The following PTPRT variants were observed in gnomAD, a reference collection of about 807,000 sequenced individuals.
PTPRT encodes the protein protein tyrosine phosphatase receptor type T, also known as receptor-type tyrosine-protein phosphatase T.
Under a neutral mutation model 176.8 loss-of-function variants are expected in PTPRT, and 56 were observed. That is an observed-to-expected ratio of 0.32 (90% confidence interval 0.26 to 0.40). PTPRT has a LOEUF of 0.40. Ranked by LOEUF, PTPRT falls within the 10% of genes least tolerant of loss-of-function variation. PTPRT has a pLI of 1.00. For missense variants in PTPRT, 1,540 were observed against 1,908.2 expected, an observed-to-expected ratio of 0.81 and a Z score of 3.60; for synonymous variants, 783 against 739.0, an observed-to-expected ratio of 1.06 and a Z score of -0.96.
chr20:42,095,842 A>G (rs1453017365), intron 27 of PTPRT, among the ~76,000 whole-genome samples: 1 of 152,196 alleles, frequency 6.6e-6, no homozygotes, highest in Non-Finnish European at 1.5e-5. Context: ...CCCAACAAAT[A>G]TGGGTTGCCT....
At chr20:43,128,917 A>G (rs1459180515) in intron 1 of PTPRT, among the ~76,000 whole-genome samples, 1 of 152,196 alleles carries the variant, frequency 6.6e-6, no homozygotes, top group African/African-American at 2.4e-5. Context: ...TCACAATTTT[A>G]AAGTTATATT....
At chr20:42,406,426 T>G (rs1447904427) in intron 9 of PTPRT, among the ~76,000 whole-genome samples, 1 of 151,996 alleles carries the variant, frequency 6.6e-6, no homozygotes, top group East Asian at 1.9e-4. Flanking sequence ...ATTTCGAGAG[T>G]GATAATTTTT....
At chr20:43,097,877 C>A (rs1160321318) in intron 1 of PTPRT, among the ~76,000 whole-genome samples, 2 of 152,150 alleles carry the variant, frequency 1.3e-5, no homozygotes, top group Admixed American at 1.3e-4. Context: ...GCTCTGACAA[C>A]CCCAAAACTT....
the PTPRT span, among the ~76,000 whole-genome samples, chr20:42,036,999 C>A: frequency 6.6e-6 from 1 of 152,274 alleles, no homozygotes; most frequent in East Asian, 1.9e-4. Context: ...GATAGCATGC[C>A]AGAGCTGAAG....
intron 8 of PTPRT, 103 bp downstream of exon 8, chr20:42,472,163 A>T (rs757571915): frequency 2.3e-6 from 3 of 1,304,434 alleles, no homozygotes; most frequent in Non-Finnish European, 3.2e-6. Context: ...TGTGTGAGGG[A>T]ATTAAAAATG....
intron 4 of PTPRT, among the ~76,000 whole-genome samples, chr20:42,777,833 C>T (rs1266307166): frequency 6.6e-6 from 1 of 152,316 alleles, no homozygotes; most frequent in Non-Finnish European, 1.5e-5. Context: ...GCATTATATA[C>T]ATTGCCAGTA....
In PTPRT at chr20:42,647,768, C is replaced by T. The variant is rs6030392; in HGVS notation, c.1153+30098G>A. On this transcript the variant is annotated intron_variant, in intron 7 of 30. Transcript: ENST00000373187. ...GGACAGCGTCTGTGATACCGGCTGA[C>T]GCTCATTAAACCAAGGCTCTAGTAG... Among the ~76,000 whole-genome samples the T allele has an allele frequency of 1.6e-3, 238 of 152,302 alleles. 1 individual carries two copies. The highest frequency in any genetic ancestry group is 4.6e-3 in the African/African-American group (190 of 41,550).
intron 2 of PTPRT, among the ~76,000 whole-genome samples, chr20:42,850,471 G>A (rs1044544908): frequency 2.0e-5 from 3 of 152,250 alleles, no homozygotes; most frequent in African/African-American, 7.2e-5. Context: ...ATTATGGCAA[G>A]GGCTGGATAT....
intron 6 of PTPRT, among the ~76,000 whole-genome samples, chr20:42,704,467 A>G (rs1214233953): frequency 6.6e-6 from 1 of 151,740 alleles, no homozygotes; most frequent in Non-Finnish European, 1.5e-5. Flanking sequence ...CTTTCCTGAT[A>G]CAGAATTCTT....
chr20:42,987,055 C>T (rs536828676), intron 1 of PTPRT, among the ~76,000 whole-genome samples: 2 of 152,280 alleles, frequency 1.3e-5, no homozygotes, highest in South Asian at 4.1e-4. Context: ...CACAAGAGGC[C>T]ACAGAACTCA....
intron 9 of PTPRT, among the ~76,000 whole-genome samples, chr20:42,356,720 C>A (rs1000783432): frequency 8.5e-5 from 13 of 152,090 alleles, no homozygotes; most frequent in Non-Finnish European, 8.8e-5. Context: ...ATGACAAAAT[C>A]CAATCATGTC....
chr20:42,982,931 C>G (rs1299671230), intron 1 of PTPRT, among the ~76,000 whole-genome samples: 1 of 152,246 alleles, frequency 6.6e-6, no homozygotes, highest in African/African-American at 2.4e-5. Context: ...ATCACTACCT[C>G]CCACATACCT....
intron 6 of PTPRT, chr20:42,688,102 T>G (rs1262198193): frequency 6.6e-6 from 1 of 152,182 alleles, no homozygotes; most frequent in Non-Finnish European, 1.5e-5. Flanking sequence ...TAAACTACCT[T>G]GCCAGCTGGC....
At chr20:42,439,232 C>T (rs560995352) in intron 9 of PTPRT, among the ~76,000 whole-genome samples, 13 of 152,118 alleles carry the variant, frequency 8.5e-5, no homozygotes, top group Non-Finnish European at 1.8e-4. Flanking sequence ...TTAGGGAAGG[C>T]CTCTGGGCAA....
intron 1 of PTPRT, among the ~76,000 whole-genome samples, chr20:43,127,266 A>G (rs2013478102): frequency 6.6e-6 from 1 of 151,928 alleles, no homozygotes; most frequent in Non-Finnish European, 1.5e-5. Flanking sequence ...TACTAAAAAT[A>G]CAAAAAATTA....
intron 11 of PTPRT, among the ~76,000 whole-genome samples, chr20:42,340,745 G>C (rs980937719): frequency 1.3e-5 from 2 of 152,178 alleles, no homozygotes; most frequent in African/African-American, 4.8e-5. Flanking sequence ...GACAGAGACC[G>C]AGAGCCATCG....
At chr20:42,574,588 G>A (rs901819640) in intron 7 of PTPRT, among the ~76,000 whole-genome samples, 1 of 152,136 alleles carries the variant, frequency 6.6e-6, no homozygotes, top group Non-Finnish European at 1.5e-5. Context: ...AAGAACAAAG[G>A]GCAGTGGCAG....
At chr20:42,065,487 C>T in the PTPRT span, among the ~76,000 whole-genome samples, 1 of 152,198 alleles carries the variant, frequency 6.6e-6, no homozygotes, top group African/African-American at 2.4e-5. Context: ...CTCATACACA[C>T]AACGTTCTGG....
At chr20:42,881,635 G>GA (rs576768473) in intron 2 of PTPRT, among the ~76,000 whole-genome samples, 74 of 144,584 alleles carry the variant, frequency 5.1e-4, no homozygotes, top group African/African-American at 1.6e-3. Flanking sequence ...TGAGGCATGA[G>GA]AATCACTTGA....
Sources: gnomAD v4.1 joint callset for allele counts (sites outside exome capture counted in the v4.1 genomes callset) on GRCh38, gnomAD v4.1.1 for gene constraint, MANE v1.5 for transcripts, NCBI Gene and HGNC (gene_info 2026-07-23, HGNC 2026-07-21) for gene names.